Variants in PIGU observed in about 807,000 individuals in gnomAD.
PIGU encodes GPI-anchor transamidase component PIGU.
PIGU carries 24 observed loss-of-function variants against 49.9 expected under a neutral mutation model. That is an observed-to-expected ratio of 0.48 (90% CI 0.35 to 0.68). PIGU has a LOEUF of 0.68. Ranked by LOEUF, PIGU falls within the 30% of genes least tolerant of loss-of-function variation. The pLI, the probability that PIGU is intolerant of heterozygous loss-of-function variation, is 0.01. For missense variants in PIGU, 490 were observed against 532.6 expected, an observed-to-expected ratio of 0.92 and a Z score of 0.79; for synonymous variants, 220 against 205.7, an observed-to-expected ratio of 1.07 and a Z score of -0.59.
At chr20:34,590,618 TAAC>T (rs1983921545) in intron 7 of PIGU, among the ~76,000 whole-genome samples, 1 of 150,348 alleles carries the variant, frequency 6.7e-6, no homozygotes, top group South Asian at 2.1e-4. Context: ...TAACATAACA[TAAC>T]ATAACATAAC....
At position 34,624,830 on chromosome 20, in the gene PIGU, G is replaced by A. The variant is rs1985395341; in HGVS notation, c.530-8691C>T. 3.9e-5 allele frequency among the ~76,000 whole-genome samples: 6 copies of A among 152,216 alleles called. No homozygotes were observed. The South Asian group carries it at 1.2e-3, about 32-fold the overall frequency. On this transcript the variant is annotated intron_variant, in intron 6 of 11. Coordinates refer to ENST00000217446, the MANE Select transcript of PIGU (RefSeq NM_080476.5). ...GGACATCACAATACAATGGCCCGAGGCTTGTCCTGGCCTGCATCTCTCAGA... is the reference window on the plus strand; with the variant it reads ...GGACATCACAATACAATGGCCCGAGACTTGTCCTGGCCTGCATCTCTCAGA...
chr20:34,587,895 G>A (rs1213017403), intron 8 of PIGU, among the ~76,000 whole-genome samples: 1 of 152,096 alleles, frequency 6.6e-6, no homozygotes, highest in East Asian at 1.9e-4. Flanking sequence ...CCATTTGTTT[G>A]TTGATGGACA....
At chr20:34,634,466 T>G (rs1254009488) in intron 6 of PIGU, 149 bp downstream of exon 6, 4 of 1,272,062 alleles carry the variant, frequency 3.1e-6, no homozygotes, top group Non-Finnish European at 4.0e-6. Context: ...GACTACATTT[T>G]CTAAATAATC....
intron 11 of PIGU, among the ~76,000 whole-genome samples, chr20:34,563,016 C>G (rs2035131906): frequency 6.6e-6 from 1 of 152,162 alleles, no homozygotes; most frequent in African/African-American, 2.4e-5. Context: ...CAATAATCAT[C>G]TGGACAAGAA....
intron 1 of PIGU, among the ~76,000 whole-genome samples, chr20:34,673,008 A>G (rs1023460041): frequency 1.3e-5 from 2 of 152,104 alleles, no homozygotes; most frequent in African/African-American, 4.8e-5. Flanking sequence ...TCATCCCAGC[A>G]CTTTGGAAGG....
intron 8 of PIGU, among the ~76,000 whole-genome samples, chr20:34,588,095 T>C (rs1426084882): frequency 6.6e-6 from 1 of 151,990 alleles, no homozygotes; most frequent in Non-Finnish European, 1.5e-5. Context: ...CTACTAAAAA[T>C]ACAAAAATTA....
chr20:34,649,610 TCCCAGGTTCAAGTG>T (rs1480226321), intron 2 of PIGU, among the ~76,000 whole-genome samples: 2 of 151,000 alleles, frequency 1.3e-5, no homozygotes, highest in Non-Finnish European at 3.0e-5. Context: ...AACTTCCGCC[TCCCAGGTTCAAGTG>T]CCCAGGTTCA....
chr20:34,576,963 G>A (rs1311842489), intron 10 of PIGU, among the ~76,000 whole-genome samples: 2 of 152,120 alleles, frequency 1.3e-5, no homozygotes, highest in Non-Finnish European at 2.9e-5. Flanking sequence ...GCCATGTAAG[G>A]CGATGTCTTC....
chr20:34,583,291 C>A (rs1323720950), intron 9 of PIGU, among the ~76,000 whole-genome samples: 1 of 152,174 alleles, frequency 6.6e-6, no homozygotes, highest in Non-Finnish European at 1.5e-5. Flanking sequence ...GTAACAACGG[C>A]AACATTTCTA....
In PIGU at chr20:34,589,813, G is replaced by A. The variant is rs187282863; in HGVS notation, c.628-1206C>T. Among the ~76,000 whole-genome samples the A allele has an allele frequency of 3.3e-3, 496 of 150,630 alleles. 1 individual carries two copies. The highest frequency in any genetic ancestry group is 0.011 in the African/African-American group (471 of 40,966). ...TGGGACTACAGGTGCCTGCCACCAC[G>A]CCCAGCTAATTTTTATATTTTCAGT... On this transcript the variant is annotated intron_variant, in intron 7 of 11. Transcript: ENST00000217446.
intron 11 of PIGU, among the ~76,000 whole-genome samples, chr20:34,572,666 T>C (rs1983063848): frequency 1.3e-5 from 2 of 151,998 alleles, no homozygotes; most frequent in African/African-American, 4.8e-5. Context: ...AAAATAAATA[T>C]ATAAATAAAG....
chr20:34,659,303 G>T (rs1349919481), intron 1 of PIGU, among the ~76,000 whole-genome samples: 2 of 146,406 alleles, frequency 1.4e-5, no homozygotes, highest in Admixed American at 1.3e-4. Context: ...AGGGAGGTGG[G>T]GGGGTCAGCC....
chr20:34,560,771 A>G lies in PIGU; in HGVS notation c.*95T>C. 1 of 916,954 alleles carries G rather than the reference A, an allele frequency of 1.1e-6. No individual in the cohort carries two copies. Among genetic ancestry groups the G allele is most frequent in the Admixed American group, 3.2e-5 (1 of 31,676 alleles). 56.8% of individuals were successfully genotyped at this position (916,954 alleles called of 1,614,324 possible). ...CCCTGGACTCGAACCTCTTCTGCCC[A>G]AGCACTCGCCTGCTGGCAACTCTGG... On this transcript the variant is annotated 3_prime_UTR_variant, in exon 12 of 12. Transcript: ENST00000217446.
chr20:34,563,451 C>T (rs1351868494), intron 11 of PIGU, among the ~76,000 whole-genome samples: 2 of 152,170 alleles, frequency 1.3e-5, no homozygotes, highest in African/African-American at 4.8e-5. Flanking sequence ...CCTGTAATCC[C>T]AGCTACTTGG....
At chr20:34,561,573 C>T (rs1351461369) in intron 11 of PIGU, among the ~76,000 whole-genome samples, 1 of 152,188 alleles carries the variant, frequency 6.6e-6, no homozygotes, top group East Asian at 1.9e-4. Context: ...TGCTCTCAAA[C>T]CCGTGCCCAC....
rs1986255100 is a variant in PIGU, at chr20:34,644,153, A to C, written c.318+11T>G. The stretch of plus-strand genomic sequence containing the variant: ...ATTCCACCAGCTTTGCTCCACCCAC[A>C]AACTACTTACCACAACTTTATTGAA... On this transcript the variant is annotated intron_variant, in intron 4 of 11. Coordinates refer to ENST00000217446, the MANE Select transcript of PIGU (RefSeq NM_080476.5). 1.2e-6 allele frequency: 2 copies of C among 1,600,598 alleles called. No individual in the cohort carries two copies. Among genetic ancestry groups the C allele is most frequent in the Non-Finnish European group, 1.7e-6 (2 of 1,167,818 alleles).
At position 34,588,370 on chromosome 20, in the gene PIGU, C is replaced by T. The variant is rs1983786376; in HGVS notation, c.782+83G>A. 2.0e-5 allele frequency: 24 copies of T among 1,211,710 alleles called. No homozygotes were observed. In the South Asian group the frequency reaches 4.4e-4, roughly 22 times the overall value. 75.1% of individuals were successfully genotyped at this position (1,211,710 alleles called of 1,614,324 possible). A position where few individuals can be genotyped will look rare whatever the true frequency, so the allele number is the denominator to read the frequency against. ...CATACAGTTTTCCATAATGGCTGTA[C>T]TAATTTACATTCTTGACAACAGTAT... is the stretch of plus-strand genomic sequence containing the variant. On this transcript the variant is annotated intron_variant, in intron 8 of 11. Transcript: ENST00000217446.
At chr20:34,563,624 T>TG (rs11292653) in intron 11 of PIGU, among the ~76,000 whole-genome samples, 60,370 of 138,628 alleles carry the variant, frequency 0.44, 12,713 homozygotes, top group Non-Finnish European at 0.48. Flanking sequence ...AATACATCAA[T>TG]GGGGGGGGGG....
intron 1 of PIGU, among the ~76,000 whole-genome samples, chr20:34,659,202 T>C (rs1221528147): frequency 1.0e-5 from 1 of 98,232 alleles, no homozygotes. Context: ...AGGAGGGAGG[T>C]GGGGGGGTCA....
Sources: gnomAD v4.1 joint callset for allele counts (sites outside exome capture counted in the v4.1 genomes callset) on GRCh38, gnomAD v4.1.1 for gene constraint, MANE v1.5 for transcripts, NCBI Gene and HGNC (gene_info 2026-07-23, HGNC 2026-07-21) for gene names.